Variants in ALG6 observed in about 807,000 individuals in gnomAD.
ALG6 encodes the protein dolichyl pyrophosphate Man9GlcNAc2 alpha-1,3-glucosyltransferase.
In ALG6, 46 loss-of-function variants were observed where a neutral mutation model predicts 66.6. The observed-to-expected ratio is 0.69, with a 90% confidence interval of 0.55 to 0.88. The LOEUF (loss-of-function observed/expected upper bound fraction) is 0.88, where lower values mean the gene tolerates loss of function less well. Among genes scored for constraint, ALG6 ranks in the 40% least tolerant of loss-of-function variants. The pLI, the probability that ALG6 is intolerant of heterozygous loss-of-function variation, is 0.00. For synonymous variants in ALG6, 185 were observed against 203.7 expected (o/e 0.91, Z 0.78); for missense variants, 505 against 586.8 (o/e 0.86, Z 1.44).
In ALG6 at chr1:63,429,258, C is replaced by G. The variant is rs1022848396; in HGVS notation, c.1326+132C>G. Reference sequence around the variant, plus strand: ...AAATCCACTCATTTAAAGTATACAACTTAGTGGTTTTAAGTATGTAAACAG... The same window carrying G: ...AAATCCACTCATTTAAAGTATACAAGTTAGTGGTTTTAAGTATGTAAACAG... On this transcript the variant is annotated intron_variant, in intron 14 of 14. Transcript: ENST00000263440. 3.4e-5 allele frequency: 24 copies of G among 698,820 alleles called. No homozygotes were observed. In the South Asian group the frequency reaches 4.4e-4, roughly 13 times the overall value. 43.3% of individuals were successfully genotyped at this position (698,820 alleles called of 1,614,324 possible).
intron 12 of ALG6, 186 bp from the exon 13 acceptor site, chr1:63,428,547 C>T: frequency 2.0e-6 from 1 of 492,762 alleles, no homozygotes. Flanking sequence ...CACCTCTGTG[C>T]CTGTGTCTAG....
chr1:63,406,016 AT>A (rs1644488428), intron 5 of ALG6, among the ~76,000 whole-genome samples: 1 of 152,120 alleles, frequency 6.6e-6, no homozygotes, highest in African/African-American at 2.4e-5. Context: ...GAGGAAAAAA[AT>A]ATTTCCTTGC....
intron 11 of ALG6, among the ~76,000 whole-genome samples, chr1:63,418,915 A>T (rs574898565): frequency 5.3e-5 from 8 of 152,336 alleles, no homozygotes; most frequent in African/African-American, 1.4e-4. Flanking sequence ...AATTTTTTTT[A>T]AACTCTAAAT....
chr1:63,373,199 G>T (rs1009832394), intron 2 of ALG6, among the ~76,000 whole-genome samples: 4 of 151,014 alleles, frequency 2.6e-5, no homozygotes, highest in African/African-American at 9.7e-5. Context: ...TAGACACAGG[G>T]TCTCACCATG....
intron 2 of ALG6, among the ~76,000 whole-genome samples, chr1:63,378,909 T>C (rs1188776098): frequency 1.3e-5 from 2 of 150,728 alleles, no homozygotes; most frequent in East Asian, 1.9e-4. Flanking sequence ...TTTCAGTTAT[T>C]ATATTTTTTA....
intron 12 of ALG6, among the ~76,000 whole-genome samples, chr1:63,423,896 T>C (rs1034132946): frequency 6.6e-6 from 1 of 152,198 alleles, no homozygotes; most frequent in Non-Finnish European, 1.5e-5. Flanking sequence ...CCACCAGACT[T>C]TTCCATAGTG....
intron 2 of ALG6, among the ~76,000 whole-genome samples, chr1:63,391,195 T>G (rs1424555055): frequency 6.6e-6 from 1 of 152,248 alleles, no homozygotes; most frequent in Non-Finnish European, 1.5e-5. Flanking sequence ...ATTTTCCTTC[T>G]GTCCTTCTAG....
chr1:63,413,214 A>C (rs903460822), intron 9 of ALG6, among the ~76,000 whole-genome samples: 1 of 152,202 alleles, frequency 6.6e-6, no homozygotes, highest in Non-Finnish European at 1.5e-5. Context: ...TGAACTTGGA[A>C]AATTGTTTTC....
rs537994441 is a variant in ALG6, at chr1:63,400,903, C to T, written c.168-1351C>T. Among the ~76,000 whole-genome samples, 3 of 152,260 alleles carry T rather than the reference C, an allele frequency of 2.0e-5. No homozygotes were observed. The East Asian group carries it at 5.8e-4, about 29-fold the overall frequency. ...AATAAAACTTTATGCTATATAGTAA[C>T]ATGAATTTGGAAATGATATAATTGG... On this transcript the variant is annotated intron_variant, in intron 3 of 14. Coordinates refer to ENST00000263440, the MANE Select transcript of ALG6 (RefSeq NM_013339.4).
intron 2 of ALG6, among the ~76,000 whole-genome samples, chr1:63,393,015 A>G (rs1434050190): frequency 6.6e-6 from 1 of 152,206 alleles, no homozygotes; most frequent in African/African-American, 2.4e-5. Context: ...CCACAAGTCT[A>G]GAGCAATTTC....
intron 2 of ALG6, among the ~76,000 whole-genome samples, chr1:63,382,505 C>T (rs60715894): frequency 0.021 from 3,170 of 151,618 alleles, 98 homozygotes; most frequent in African/African-American, 0.073. Flanking sequence ...ACAAGAGCCT[C>T]GCTCTGTCAC....
At chr1:63,402,911 A>T (rs1206260251) in intron 4 of ALG6, among the ~76,000 whole-genome samples, 1 of 151,276 alleles carries the variant, frequency 6.6e-6, no homozygotes, top group African/African-American at 2.4e-5. Context: ...CCTGGCTAAC[A>T]TGGTGAAACC....
At position 63,411,198 on chromosome 1, in the gene ALG6, T is replaced by C; in HGVS notation, c.547T>C (p.Cys183Arg). Residue 183 changes from cysteine to arginine, a missense_variant, in exon 8 of 15, where the codon TGT becomes CGT. Cys to Arg is a radical substitution (Grantham distance 180). Coordinates refer to ENST00000263440, the MANE Select transcript of ALG6 (RefSeq NM_013339.4). ...FALWGVLGISCDCDLLGSLAF... is the reference protein window; with the variant it reads ...FALWGVLGISRDCDLLGSLAF... The stretch of plus-strand genomic sequence containing the variant: ...TTTGTGGGGTGTTCTTGGAATATCT[T>C]GTGACTGCGACCTCCTAGGGTCACT... 1 of 1,613,912 alleles carries C rather than the reference T, an allele frequency of 6.2e-7. No homozygotes were observed. The highest frequency in any genetic ancestry group is 8.5e-7 in the Non-Finnish European group (1 of 1,179,862).
At chr1:63,376,513 C>G (rs1648136476) in intron 2 of ALG6, among the ~76,000 whole-genome samples, 1 of 152,176 alleles carries the variant, frequency 6.6e-6, no homozygotes, top group South Asian at 2.1e-4. Context: ...TTAAGCTATA[C>G]ATTTTCTTTA....
At position 63,369,457 on chromosome 1, in the gene ALG6, C is replaced by T. The variant is rs147597541; in HGVS notation, c.-207-1314C>T. On this transcript the variant is annotated intron_variant, in intron 1 of 14. Transcript: ENST00000263440. The stretch of plus-strand genomic sequence containing the variant: ...CAGCCTGGCCAATCTGGTGAAACCC[C>T]GTCTCTACTAACAATACAAAAATTA... 8.3e-3 allele frequency among the ~76,000 whole-genome samples: 1,260 copies of T among 152,044 alleles called. 28 individuals carry two copies. Among genetic ancestry groups the T allele is most frequent in the East Asian group, 0.056 (286 of 5,132 alleles).
chr1:63,394,053 C>T (rs2100402594), intron 2 of ALG6, among the ~76,000 whole-genome samples: 2 of 152,246 alleles, frequency 1.3e-5, no homozygotes, highest in Admixed American at 1.3e-4. Flanking sequence ...GTGGGAATAT[C>T]TTCTTAGAGA....
intron 4 of ALG6, 73 bp from the exon 5 acceptor site, chr1:63,404,380 A>G: frequency 8.4e-7 from 1 of 1,193,636 alleles, no homozygotes; most frequent in Non-Finnish European, 1.3e-6. Context: ...TAATACATTC[A>G]TATATCCTTC....
At position 63,414,096 on chromosome 1, in the gene ALG6, C is replaced by G. The variant is rs912739738; in HGVS notation, c.852C>G (p.Val284=). The G allele has an allele frequency of 1.2e-6, 2 of 1,613,110 alleles. No individual in the cohort carries two copies. Among genetic ancestry groups the G allele is most frequent in the Non-Finnish European group, 1.7e-6 (2 of 1,179,348 alleles). The change falls in exon 10 of 15, where the codon GTC becomes GTG. Residue 284 remains valine, a synonymous_variant. Coordinates refer to ENST00000263440, the MANE Select transcript of ALG6 (RefSeq NM_013339.4). The stretch of plus-strand genomic sequence containing the variant: ...CCAATATTTGGTGCAGCTTCAATGT[C>G]TTTCTGAAGATTAAGGATATTTTGC... ...KVANIWCSFN[V]FLKIKDILPR...
Position 63,390,345 on chromosome 1 carries a change from T to A in ALG6, c.83-6168T>A, listed in dbSNP as rs1648632527. 1.3e-5 allele frequency among the ~76,000 whole-genome samples: 2 copies of A among 152,226 alleles called. 1 individual carries two copies. Among genetic ancestry groups the A allele is most frequent in the Non-Finnish European group, 2.9e-5 (2 of 68,040 alleles). On this transcript the variant is annotated intron_variant, in intron 2 of 14. Coordinates refer to ENST00000263440, the MANE Select transcript of ALG6 (RefSeq NM_013339.4). Reference sequence around the variant, plus strand: ...GCCTGGAATGTGGGCCTCAGGACTCTGCCTGGTACCTTATTTTGCTGTGGC... The same window carrying A: ...GCCTGGAATGTGGGCCTCAGGACTCAGCCTGGTACCTTATTTTGCTGTGGC...
Sources: allele counts gnomAD v4.1 joint callset (sites outside exome capture counted in the v4.1 genomes callset), GRCh38; gene constraint gnomAD v4.1.1; transcripts MANE v1.5; gene names NCBI Gene and HGNC (gene_info 2026-07-23, HGNC 2026-07-21).